USP50: variants seen among roughly 807,000 people sequenced by gnomAD.
USP50 encodes the protein ubiquitin specific peptidase 50.
USP50 carries 37 observed loss-of-function variants against 39.2 expected under a neutral mutation model. The ratio of observed to expected loss-of-function variants is 0.94; its 90% CI spans 0.73 to 1.24. The LOEUF is 1.24. USP50 is among the 50% of genes most tolerant of loss of function. USP50 has a pLI of 0.00. For missense variants in USP50, 374 were observed against 398.2 expected (o/e 0.94, Z 0.52); for synonymous variants, 139 against 144.5 (o/e 0.96, Z 0.27).
chr15:50,533,468 A>AG (rs2052957366), intron 5 of USP50, among the ~76,000 whole-genome samples: 1 of 152,054 alleles, frequency 6.6e-6, no homozygotes, highest in African/African-American at 2.4e-5. Flanking sequence ...AAGAAGCCAG[A>AG]GTGGGGGGGA....
In USP50 at chr15:50,538,691, A is replaced by C; in HGVS notation, c.803+18T>G. The C allele has an allele frequency of 6.5e-7, 1 of 1,549,736 alleles. No individual in the cohort carries two copies. The highest frequency in any genetic ancestry group is 8.7e-7 in the Non-Finnish European group (1 of 1,147,522). On this transcript the variant is annotated intron_variant, in intron 5 of 6. Transcript: ENST00000532404. ...GCTGTTCGAAAATATGTGCCCACAA[A>C]AATGTAAAAATCCATACCTTTTTAG...
In USP50 at chr15:50,546,496, A is replaced by T. The variant is rs1409523722; in HGVS notation, c.30T>A (p.Asp10Glu). 1 of 1,613,646 alleles carries T rather than the reference A, an allele frequency of 6.2e-7. No individual in the cohort carries two copies. Among genetic ancestry groups the T allele is most frequent in the African/African-American group, 1.3e-5 (1 of 74,932 alleles). The change falls in exon 1 of 7, where the codon GAT (aspartate) becomes GAA (glutamate). Residue 10 changes from aspartate (D) to glutamate (E), a missense_variant. Asp to Glu is a conservative substitution (Grantham distance 45, BLOSUM62 2). Coordinates refer to ENST00000532404, the MANE Select transcript of USP50 (RefSeq NM_203494.5). ...ACAGGACGTGGTAGATATCGAAGTC[A>T]TCTGCAGGGAGAGACGGCTGAGAAG... MTSQPSLPA[D>E]DFDIYHVLAE...
At chr15:50,518,532 G>A (rs1347734204) in intron 6 of USP50, among the ~76,000 whole-genome samples, 1 of 151,832 alleles carries the variant, frequency 6.6e-6, no homozygotes, top group African/African-American at 2.4e-5. Context: ...TTCTTCAAAA[G>A]GTGCCAAGAA....
At chr15:50,499,791 G>A (rs937196967), downstream of USP50, 1 of 151,882 alleles carries the variant, frequency 6.6e-6, no homozygotes, top group African/African-American at 2.4e-5. Flanking sequence ...TAACCCTGTG[G>A]GTGTTCTGTC....
intron 6 of USP50, among the ~76,000 whole-genome samples, chr15:50,524,499 G>A (rs951638596): frequency 1.3e-5 from 2 of 152,132 alleles, no homozygotes; most frequent in Non-Finnish European, 2.9e-5. Context: ...AATGTCCAGT[G>A]GGTTCATGAC....
chr15:50,542,894 A>AT (rs2053041397), intron 3 of USP50, among the ~76,000 whole-genome samples: 1 of 152,186 alleles, frequency 6.6e-6, no homozygotes, highest in Non-Finnish European at 1.5e-5. Context: ...TTCCCTGGGT[A>AT]TTAGAGGTGC....
chr15:50,544,681 T>C lies in USP50; in HGVS notation c.154A>G (p.Thr52Ala), dbSNP rs747389808. The C allele has an allele frequency of 1.9e-6, 3 of 1,613,826 alleles. No homozygotes were observed. Among genetic ancestry groups the C allele is most frequent in the African/African-American group, 2.7e-5 (2 of 74,910 alleles). Residue 52 changes from threonine (T) to alanine (A), a missense_variant, in exon 2 of 7, where the codon ACA (threonine) becomes GCA (alanine). Coordinates refer to ENST00000532404, the MANE Select transcript of USP50 (RefSeq NM_203494.5). The part of the protein sequence containing the change: ...GVTGLWNLGN[T>A]CCVNAISQCL... The stretch of plus-strand genomic sequence containing the variant: ...TGTGAGATGGCATTCACGCAGCATG[T>C]GTTGCCCAAGTTCCACAAGCCAGTG...
At chr15:50,509,647 C>T (rs2052713346) in intron 6 of USP50, 1 of 149,470 alleles carries the variant, frequency 6.7e-6, no homozygotes, top group Admixed American at 6.6e-5. Context: ...GACTGCGTCT[C>T]AAAAAATAAA....
intron 6 of USP50, among the ~76,000 whole-genome samples, chr15:50,524,969 A>T (rs542301664): frequency 1.3e-5 from 2 of 152,334 alleles, no homozygotes; most frequent in South Asian, 4.1e-4. Context: ...CATTGAAGGG[A>T]TATCTACATG....
At chr15:50,498,938 A>C, downstream of USP50, 1 of 1,613,884 alleles carries the variant, frequency 6.2e-7, no homozygotes, top group Non-Finnish European at 8.5e-7. Flanking sequence ...GCCACTACAC[A>C]GCCTATTGTA....
exon 2 of USP50, chr15:50,494,111 T>G: frequency 6.2e-7 from 1 of 1,610,342 alleles, no homozygotes; most frequent in South Asian, 1.1e-5. Flanking sequence ...GCAGAAGAAT[T>G]TGGTATAATC....
chr15:50,545,631 A>AAT (rs935589823), intron 1 of USP50, among the ~76,000 whole-genome samples: 8 of 150,194 alleles, frequency 5.3e-5, no homozygotes, highest in Admixed American at 1.4e-4. Context: ...TAAGAGCATG[A>AAT]ATATATATAT....
In USP50 at chr15:50,494,154, T is replaced by C. The variant is rs770928016; in HGVS notation, n.185-24A>G. On this transcript the variant is annotated intron_variant and non_coding_transcript_variant, in intron 1 of 1. Coordinates refer to the USP50 transcript ENST00000560159. ...CCCTGTGGACAGGACAGTATAGATA[T>C]ATCAGTCCAAAGGACTTTAAAATCA... 14 of 1,613,138 alleles carry C rather than the reference T, an allele frequency of 8.7e-6. No homozygotes were observed. The highest frequency in any genetic ancestry group is 1.2e-5 in the Non-Finnish European group (14 of 1,179,912).
downstream of USP50, chr15:50,500,447 A>G (rs2052562718): frequency 4.1e-6 from 1 of 246,710 alleles, no homozygotes; most frequent in Non-Finnish European, 8.1e-6. Flanking sequence ...GCATTGCATT[A>G]TATTCACACT....
At chr15:50,503,282 T>C (rs1290758160) in intron 6 of USP50, 1 of 152,414 alleles carries the variant, frequency 6.6e-6, no homozygotes, top group Non-Finnish European at 1.5e-5. Context: ...GAGATGGAGG[T>C]TGCAGTGAGC....
chr15:50,494,021 A>G, exon 2 of USP50: 1 of 1,584,738 alleles, frequency 6.3e-7, no homozygotes, highest in Non-Finnish European at 8.6e-7. Flanking sequence ...ACCTTGCTTA[A>G]CTTTTAAATT....
intron 4 of USP50, 68 bp downstream of exon 4, chr15:50,540,981 A>G: frequency 8.1e-7 from 1 of 1,233,686 alleles, no homozygotes; most frequent in Non-Finnish European, 1.2e-6. Context: ...AATGTAGGAA[A>G]CAGCCCCGAG....
intron 4 of USP50, among the ~76,000 whole-genome samples, chr15:50,539,375 G>C (rs1162802153): frequency 7.0e-6 from 1 of 142,406 alleles, no homozygotes; most frequent in Non-Finnish European, 1.5e-5. Context: ...CTATACATCA[G>C]CATTTTAACT....
chr15:50,521,385 A>G (rs1183698194), intron 6 of USP50, among the ~76,000 whole-genome samples: 1 of 152,168 alleles, frequency 6.6e-6, no homozygotes, highest in African/African-American at 2.4e-5. Flanking sequence ...ACATGTATCA[A>G]AATACCACAT....
Sources: allele counts gnomAD v4.1 joint callset (sites outside exome capture counted in the v4.1 genomes callset), GRCh38; gene constraint gnomAD v4.1.1; transcripts MANE v1.5; gene names NCBI Gene and HGNC (gene_info 2026-07-23, HGNC 2026-07-21).